Variants in OCA2 observed in about 807,000 individuals in gnomAD.
OCA2 encodes OCA2 melanosomal transmembrane protein.
Under a neutral mutation model 100.2 loss-of-function variants are expected in OCA2, and 77 were observed. The ratio of observed to expected loss-of-function variants is 0.77; its 90% CI spans 0.64 to 0.93. OCA2 has a LOEUF of 0.93. Among genes scored for constraint, OCA2 ranks in the 40% least tolerant of loss-of-function variants. The pLI is 0.00. For synonymous variants in OCA2, 432 were observed against 439.2 expected (o/e 0.98, Z 0.21); for missense variants, 1,062 against 1,089.1 (o/e 0.98, Z 0.35).
chr15:28,096,223 G>A (rs1016609789), intron 1 of OCA2, among the ~76,000 whole-genome samples: 10 of 151,464 alleles, frequency 6.6e-5, no homozygotes, highest in Admixed American at 2.0e-4. Context: ...TGTCTCCGGG[G>A]CGTGGTTGTG....
intron 2 of OCA2, among the ~76,000 whole-genome samples, chr15:28,041,025 T>C (rs998799346): frequency 1.3e-5 from 2 of 152,144 alleles, no homozygotes; most frequent in African/African-American, 2.4e-5. Context: ...ATTACCCTGA[T>C]ACCAAAGCCA....
chr15:27,743,867 C>T, the OCA2 span, among the ~76,000 whole-genome samples: 1 of 152,316 alleles, frequency 6.6e-6, no homozygotes, highest in Admixed American at 6.5e-5. Flanking sequence ...CCTCCCGCAG[C>T]CAGGTCCTGA....
intron 19 of OCA2, among the ~76,000 whole-genome samples, chr15:27,909,629 A>T (rs2038310026): frequency 6.6e-6 from 1 of 152,206 alleles, no homozygotes; most frequent in African/African-American, 2.4e-5. Flanking sequence ...GATAAAATTG[A>T]CATCTCAAAT....
chr15:28,087,523 A>T (rs1279712807), intron 1 of OCA2, among the ~76,000 whole-genome samples: 1 of 152,166 alleles, frequency 6.6e-6, no homozygotes, highest in Non-Finnish European at 1.5e-5. Flanking sequence ...AGGCAGGCAG[A>T]TTCATTGAGC....
chr15:27,753,750 AAAAG>A (rs575331641), downstream of OCA2, among the ~76,000 whole-genome samples: 52 of 152,068 alleles, frequency 3.4e-4, no homozygotes, highest in African/African-American at 6.0e-4. Context: ...AAGAAAAAAG[AAAAG>A]AAAGAAAGAA....
intron 19 of OCA2, among the ~76,000 whole-genome samples, chr15:27,897,807 A>G (rs2037768941): frequency 6.6e-6 from 1 of 152,022 alleles, no homozygotes. Flanking sequence ...GACACTCAAC[A>G]CTCAACCAGC....
intron 19 of OCA2, among the ~76,000 whole-genome samples, chr15:27,890,852 C>T (rs2037428792): frequency 6.6e-6 from 1 of 151,998 alleles, no homozygotes; most frequent in Non-Finnish European, 1.5e-5. Flanking sequence ...ATGGTGAAAC[C>T]CTGTCTCTAC....
the OCA2 span, among the ~76,000 whole-genome samples, chr15:27,748,032 C>G: frequency 6.6e-6 from 1 of 152,190 alleles, no homozygotes; most frequent in East Asian, 1.9e-4. Context: ...CAGAATTATT[C>G]CTGGCCCAGC....
At chr15:27,870,342 C>G (rs940929441) in intron 21 of OCA2, among the ~76,000 whole-genome samples, 7 of 152,218 alleles carry the variant, frequency 4.6e-5, no homozygotes, top group Admixed American at 4.6e-4. Context: ...ACACCTGGGA[C>G]CTCAAGTATT....
intron 23 of OCA2, among the ~76,000 whole-genome samples, chr15:27,789,554 T>G (rs1051269798): frequency 6.6e-6 from 1 of 152,128 alleles, no homozygotes; most frequent in African/African-American, 2.4e-5. Flanking sequence ...GAAAGTCCCC[T>G]CTGGCCTCTC....
chr15:27,980,125 AT>A (rs947462994), intron 14 of OCA2, among the ~76,000 whole-genome samples: 2 of 150,938 alleles, frequency 1.3e-5, no homozygotes, highest in South Asian at 2.1e-4. Context: ...AAGTGGCTTA[AT>A]TTTTTTTTGT....
At chr15:27,986,107 G>C (rs2041344614) in intron 12 of OCA2, among the ~76,000 whole-genome samples, 1 of 152,214 alleles carries the variant, frequency 6.6e-6, no homozygotes, top group Non-Finnish European at 1.5e-5. Context: ...TGCCAACCCT[G>C]AATGACAGGA....
At chr15:27,802,852 C>T (rs2033670726) in intron 23 of OCA2, among the ~76,000 whole-genome samples, 1 of 151,992 alleles carries the variant, frequency 6.6e-6, no homozygotes, top group South Asian at 2.1e-4. Context: ...CTTTTTGACC[C>T]CAGGTTGCTT....
chr15:27,734,561 G>C, the OCA2 span, among the ~76,000 whole-genome samples: 6 of 152,192 alleles, frequency 3.9e-5, no homozygotes, highest in Non-Finnish European at 8.8e-5. Flanking sequence ...CTCCAGGTTA[G>C]TACCAGCAAA....
At chr15:27,990,282 C>T (rs2041508663) in intron 10 of OCA2, among the ~76,000 whole-genome samples, 1 of 152,176 alleles carries the variant, frequency 6.6e-6, no homozygotes, top group Non-Finnish European at 1.5e-5. Context: ...CACCCAGATC[C>T]AGCCCCATCA....
intron 19 of OCA2, among the ~76,000 whole-genome samples, chr15:27,923,283 G>A (rs997157714): frequency 2.6e-4 from 39 of 152,232 alleles, no homozygotes; most frequent in African/African-American, 9.2e-4. Flanking sequence ...CCATATCTTT[G>A]CTATGGTGAA....
At chr15:28,065,416 T>C (rs6497257) in intron 2 of OCA2, among the ~76,000 whole-genome samples, 67,562 of 152,028 alleles carry the variant, frequency 0.44, 21,378 homozygotes, top group East Asian at 0.89. Flanking sequence ...TGTCAGACTC[T>C]CTGACAGTAT....
At chr15:27,980,474 A>C (rs148059600) in intron 14 of OCA2, among the ~76,000 whole-genome samples, 115 of 152,258 alleles carry the variant, frequency 7.6e-4, no homozygotes, top group African/African-American at 2.5e-3. Context: ...TACCCTTTTC[A>C]GTATTCTTCA....
intron 14 of OCA2, among the ~76,000 whole-genome samples, chr15:27,969,674 A>T (rs894546611): frequency 6.6e-6 from 1 of 152,022 alleles, no homozygotes; most frequent in African/African-American, 2.4e-5. Flanking sequence ...ATGGCCAAAT[A>T]TTAGGCACGT....
Sources: gnomAD v4.1 joint callset for allele counts (sites outside exome capture counted in the v4.1 genomes callset) on GRCh38, gnomAD v4.1.1 for gene constraint, MANE v1.5 for transcripts, NCBI Gene and HGNC (gene_info 2026-07-23, HGNC 2026-07-21) for gene names.